The following MALT1 variants were observed in gnomAD, a reference collection of about 807,000 sequenced individuals.
MALT1 encodes the protein mucosa-associated lymphoid tissue lymphoma translocation protein 1.
MALT1 carries 36 observed loss-of-function variants against 85.5 expected under a neutral mutation model. The observed-to-expected ratio is 0.42, with a 90% CI of 0.32 to 0.56. MALT1 has a LOEUF of 0.56. MALT1 is among the 20% of genes least tolerant of loss of function. The probability of loss-of-function intolerance (pLI) is 0.10; values close to 1 mark genes in which losing one functional copy is unlikely to be tolerated. For missense variants in MALT1, 716 were observed against 981.6 expected, an observed-to-expected ratio of 0.73 and a Z score of 3.62; for synonymous variants, 359 against 361.3, an observed-to-expected ratio of 0.99 and a Z score of 0.07.
intron 10 of MALT1, among the ~76,000 whole-genome samples, chr18:58,724,764 T>C (rs978336278): frequency 1.3e-5 from 2 of 151,934 alleles, no homozygotes; most frequent in African/African-American, 4.8e-5. Flanking sequence ...ATCTCAGCAC[T>C]TTGGGAGGCC....
chr18:58,747,664 G>A lies in MALT1; in HGVS notation c.2297G>A (p.Gly766Asp), dbSNP rs1202848170. The change falls in exon 17 of 17, where the codon GGT (glycine) becomes GAT (aspartate). Residue 766 changes from glycine (G) to aspartate (D), a missense_variant. Gly to Asp is a moderately conservative substitution (Grantham distance 94, BLOSUM62 -1). Transcript: ENST00000649217. Reference protein sequence around the residue: ...PFHGVYHSHPGNPSNVTPADS... With the variant: ...PFHGVYHSHPDNPSNVTPADS... Reference sequence around the variant, plus strand: ...CATGGTGTTTACCATTCACATCCTGGTAATCCAAGTAATGTTACACCAGCA... The same window carrying A: ...CATGGTGTTTACCATTCACATCCTGATAATCCAAGTAATGTTACACCAGCA... The A allele has an allele frequency of 5.6e-6, 9 of 1,614,046 alleles. No individual in the cohort carries two copies. The highest frequency in any genetic ancestry group is 7.6e-6 in the Non-Finnish European group (9 of 1,180,036).
chr18:58,697,977 T>C (rs1235291813), intron 3 of MALT1, among the ~76,000 whole-genome samples: 1 of 152,002 alleles, frequency 6.6e-6, no homozygotes, highest in Non-Finnish European at 1.5e-5. Context: ...GGTGGCAACA[T>C]AATATGAGAA....
At chr18:58,697,458 C>T (rs1192712209) in intron 3 of MALT1, among the ~76,000 whole-genome samples, 3 of 152,032 alleles carry the variant, frequency 2.0e-5, no homozygotes, top group African/African-American at 7.3e-5. Context: ...ACTCTGACTG[C>T]CATTATTAGC....
intron 16 of MALT1, among the ~76,000 whole-genome samples, chr18:58,746,950 ACTC>A (rs1264270735): frequency 6.6e-6 from 1 of 151,644 alleles, no homozygotes; most frequent in Non-Finnish European, 1.5e-5. Flanking sequence ...CTGGTCTTGA[ACTC>A]CTAACTTCAA....
At chr18:58,727,781 AGTAGCGAGGCT>A (rs1202153705) in intron 10 of MALT1, among the ~76,000 whole-genome samples, 6 of 152,228 alleles carry the variant, frequency 3.9e-5, no homozygotes, top group Admixed American at 3.9e-4. Context: ...CATATAGCAC[AGTAGCGAGGCT>A]GGCCTGCATC....
intron 2 of MALT1, among the ~76,000 whole-genome samples, chr18:58,693,425 CAAAA>C (rs775446018): frequency 9.7e-4 from 147 of 151,718 alleles, no homozygotes; most frequent in Admixed American, 1.6e-3. Context: ...TGTCTCAAAA[CAAAA>C]AAGCAATAAA....
At chr18:58,745,916 C>T in intron 16 of MALT1, 125 bp downstream of exon 16, 1 of 784,346 alleles carries the variant, frequency 1.3e-6, no homozygotes, top group Non-Finnish European at 2.0e-6. Flanking sequence ...ACAGAAGGTC[C>T]TATCAGTGAC....
At position 58,683,736 on chromosome 18, in the gene MALT1, CT is replaced by C. The variant is rs528064613; in HGVS notation, c.376+2404del. On this transcript the variant is annotated intron_variant, in intron 2 of 16. Coordinates refer to ENST00000649217, the MANE Select transcript of MALT1 (RefSeq NM_006785.4). ...TGTTTTTCTCCAAATAGGATTAGCACTTTTCTATCAGTGTTCCCCAGTGAAG... is the reference window on the plus strand; with the variant it reads ...TGTTTTTCTCCAAATAGGATTAGCACTTTCTATCAGTGTTCCCCAGTGAAG... Among the ~76,000 whole-genome samples, 168 of 152,272 alleles carry C rather than the reference CT, an allele frequency of 1.1e-3. 3 individuals carry two copies. The highest frequency in any genetic ancestry group is 3.9e-3 in the African/African-American group (163 of 41,558).
chr18:58,724,776 A>C (rs1456036033), intron 10 of MALT1, among the ~76,000 whole-genome samples: 4 of 152,144 alleles, frequency 2.6e-5, no homozygotes, highest in Non-Finnish European at 5.9e-5. Flanking sequence ...TGGGAGGCCG[A>C]GGTGGGTGGA....
At position 58,748,049 on chromosome 18, in the gene MALT1, TTGAA is replaced by T; in HGVS notation, c.*209_*212del. 1 of 553,174 alleles carries T rather than the reference TTGAA, an allele frequency of 1.8e-6. No homozygotes were observed. The highest frequency in any genetic ancestry group is 3.2e-6 in the Non-Finnish European group (1 of 309,954). The allele number at this position is 553,174 out of a possible 1,614,324, so 34.3% of individuals were successfully genotyped here. On this transcript the variant is annotated 3_prime_UTR_variant, in exon 17 of 17. Transcript: ENST00000649217. The stretch of plus-strand genomic sequence containing the variant: ...CTCTTTCTAAGATTTTGTGAATTGG[TTGAA>T]TAGTTCTATACAAATGAAGTATGGA...
intron 13 of MALT1, among the ~76,000 whole-genome samples, chr18:58,735,582 C>T (rs185391658): frequency 3.2e-4 from 48 of 152,152 alleles, no homozygotes; most frequent in African/African-American, 1.1e-3. Flanking sequence ...GGCTAAGCCT[C>T]GGCACAGTCA....
At position 58,735,260 on chromosome 18, in the gene MALT1, A is replaced by T; in HGVS notation, c.1534A>T (p.Met512Leu). Reference protein sequence around the residue: ...QHSGLANGIFMKFLKDRLLED... With the variant: ...QHSGLANGIFLKFLKDRLLED... ...TTCTGGATTGGCAAATGGAATCTTT[A>T]TGAAATTTTTAAAAGACAGATTATT... is the stretch of plus-strand genomic sequence containing the variant. Residue 512 changes from methionine to leucine, a missense_variant, in exon 13 of 17, where the codon ATG (methionine) becomes TTG (leucine). By Grantham distance (15) the Met-to-Leu change is conservative (BLOSUM62 2). Coordinates refer to ENST00000649217, the MANE Select transcript of MALT1 (RefSeq NM_006785.4). 1 of 1,611,416 alleles carries T rather than the reference A, an allele frequency of 6.2e-7. No individual in the cohort carries two copies. Among genetic ancestry groups the T allele is most frequent in the Non-Finnish European group, 8.5e-7 (1 of 1,179,330 alleles).
intron 8 of MALT1, among the ~76,000 whole-genome samples, chr18:58,715,262 C>T (rs766826559): frequency 6.6e-6 from 1 of 152,104 alleles, no homozygotes; most frequent in Non-Finnish European, 1.5e-5. Context: ...TGTAAATAGC[C>T]ACCACTAAGA....
At chr18:58,737,287 C>G (rs1256611792) in intron 13 of MALT1, among the ~76,000 whole-genome samples, 2 of 152,150 alleles carry the variant, frequency 1.3e-5, no homozygotes, top group East Asian at 3.9e-4. Context: ...TGAGACCAAC[C>G]TAGGCAACAT....
intron 10 of MALT1, among the ~76,000 whole-genome samples, chr18:58,730,892 G>A (rs1458481538): frequency 2.0e-5 from 3 of 152,094 alleles, no homozygotes; most frequent in Non-Finnish European, 4.4e-5. Context: ...GTGCATATTT[G>A]CCACTCATAT....
chr18:58,708,022 T>A (rs1268412372), intron 4 of MALT1, among the ~76,000 whole-genome samples: 3 of 152,180 alleles, frequency 2.0e-5, no homozygotes, highest in African/African-American at 7.2e-5. Flanking sequence ...AACCCCACCC[T>A]TGTCTCTTCT....
intron 3 of MALT1, among the ~76,000 whole-genome samples, chr18:58,698,300 C>T (rs1398648288): frequency 1.3e-5 from 2 of 151,928 alleles, no homozygotes; most frequent in Admixed American, 6.6e-5. Context: ...CTCCTGATCT[C>T]GTGATCCGCC....
At chr18:58,689,830 G>C (rs988615736) in intron 2 of MALT1, among the ~76,000 whole-genome samples, 2 of 152,200 alleles carry the variant, frequency 1.3e-5, no homozygotes, top group African/African-American at 4.8e-5. Flanking sequence ...TGGCAAAGCG[G>C]AGCTTGTGGG....
intron 1 of MALT1, 143 bp downstream of exon 1, chr18:58,671,995 G>A: frequency 2.1e-6 from 1 of 478,864 alleles, no homozygotes; most frequent in Non-Finnish European, 3.2e-6. Context: ...TTCGGTCATT[G>A]AGGCGGAGCG....
Sources: allele counts gnomAD v4.1 joint callset (sites outside exome capture counted in the v4.1 genomes callset), GRCh38; gene constraint gnomAD v4.1.1; transcripts MANE v1.5; gene names NCBI Gene and HGNC (gene_info 2026-07-23, HGNC 2026-07-21).